PCDHGA7: variants seen among roughly 807,000 people sequenced by gnomAD.
PCDHGA7 encodes the protein protocadherin gamma-A7.
In PCDHGA7, 44 loss-of-function variants were observed where a neutral mutation model predicts 58.3. That is an observed-to-expected ratio of 0.75 (90% CI 0.59 to 0.97). The LOEUF is 0.97. Among genes scored for constraint, PCDHGA7 ranks in the 50% least tolerant of loss-of-function variants. The pLI, the probability that PCDHGA7 is intolerant of heterozygous loss-of-function variation, is 0.00. For synonymous variants in PCDHGA7, 516 were observed against 504.2 expected, an observed-to-expected ratio of 1.02 and a Z score of -0.31; for missense variants, 1,266 against 1,188.7, an observed-to-expected ratio of 1.06 and a Z score of -0.96.
intron 1 of PCDHGA7, chr5:141,427,995 G>T (rs1292989797): frequency 6.3e-7 from 1 of 1,599,590 alleles, no homozygotes; most frequent in Non-Finnish European, 8.6e-7. Flanking sequence ...CGATGGCTCC[G>T]CACTCTTCGA....
At chr5:141,390,612 T>C (rs2092191763) in intron 1 of PCDHGA7, 1 of 296,168 alleles carries the variant, frequency 3.4e-6, no homozygotes, top group Non-Finnish European at 6.3e-6. Context: ...ATTTTCCTTC[T>C]TGTTGACTAA....
At chr5:141,389,719 C>A (rs371194042) in intron 1 of PCDHGA7, 62 of 1,612,570 alleles carry the variant, frequency 3.8e-5, no homozygotes, top group South Asian at 1.1e-5. Flanking sequence ...GCTAGCGAGC[C>A]CGGGCTCTTC....
chr5:141,457,877 C>A (rs1488774514), intron 1 of PCDHGA7, among the ~76,000 whole-genome samples: 1 of 152,196 alleles, frequency 6.6e-6, no homozygotes, highest in Admixed American at 6.6e-5. Context: ...AGGTTAGGAA[C>A]CCTGTGTGGG....
chr5:141,509,199 GTCTC>G (rs1017134758), intron 3 of PCDHGA7, among the ~76,000 whole-genome samples: 4 of 152,070 alleles, frequency 2.6e-5, no homozygotes, highest in Admixed American at 2.0e-4. Context: ...AATATTTCCT[GTCTC>G]TCTATTTCTC....
intron 1 of PCDHGA7, chr5:141,417,666 G>C (rs1487166683): frequency 3.1e-5 from 28 of 917,486 alleles, no homozygotes; most frequent in Non-Finnish European, 4.2e-5. Context: ...GGGATTCCCT[G>C]CGCAGCCAAC....
rs533568792 is a variant in PCDHGA7 at position 141,393,506 on chromosome 5, A to G, written c.2424+8183A>G. The G allele has an allele frequency of 7.4e-6, 12 of 1,614,032 alleles. No individual in the cohort carries two copies. The East Asian group carries it at 2.5e-4, about 33-fold the overall frequency. ...CTAGCACAGTGCGCATCCACGTGAC[A>G]GTGTTGGATACAAATGACAATGCCC... On this transcript the variant is annotated intron_variant, in intron 1 of 3. Transcript: ENST00000518325.
At position 141,400,743 on chromosome 5, in the gene PCDHGA7, C is replaced by T. The variant is rs1404866842; in HGVS notation, c.2424+15420C>T. 6.5e-6 allele frequency: 4 copies of T among 611,214 alleles called. No individual in the cohort carries two copies. In the East Asian group the frequency reaches 1.1e-4, roughly 17 times the overall value. 37.9% of individuals were successfully genotyped at this position (611,214 alleles called of 1,614,324 possible). A position where few individuals can be genotyped will look rare whatever the true frequency, so the allele number is the denominator to read the frequency against. On this transcript the variant is annotated intron_variant, in intron 1 of 3. Coordinates refer to ENST00000518325, the MANE Select transcript of PCDHGA7 (RefSeq NM_018920.4). ...ATTTACAAAGTAGTGAGAGTTTGCTCTTAGCTTCCTCTCTAGCAAAAACAT... is the reference window on the plus strand; with the variant it reads ...ATTTACAAAGTAGTGAGAGTTTGCTTTTAGCTTCCTCTCTAGCAAAAACAT...
At position 141,477,053 on chromosome 5, in the gene PCDHGA7, G is replaced by C; in HGVS notation, c.2425-17754G>C. ...GACAATCAAGGGTCGGCTGGACTTC[G>C]AGGACACCAAACTCCATGAGATTTA... On this transcript the variant is annotated intron_variant, in intron 1 of 3. Coordinates refer to ENST00000518325, the MANE Select transcript of PCDHGA7 (RefSeq NM_018920.4). This position sits in a 1 kb window ranked among gnomAD's most constrained non-coding sequence, Gnocchi z 4.9. The C allele has an allele frequency of 6.2e-7, 1 of 1,614,230 alleles. No homozygotes were observed. Among genetic ancestry groups the C allele is most frequent in the Non-Finnish European group, 8.5e-7 (1 of 1,180,032 alleles).
Position 141,491,415 on chromosome 5 carries a change from G to GGGT in PCDHGA7, c.2425-3389_2425-3387dup. 1 of 1,614,126 alleles carries GGGT rather than the reference G, an allele frequency of 6.2e-7. No individual in the cohort carries two copies. Among genetic ancestry groups the GGGT allele is most frequent in the Non-Finnish European group, 8.5e-7 (1 of 1,180,034 alleles). ...TTCAGGGAAACGCAGACGGGGACGG[G>GGGT]GGTGGAGGGCAGTGCTGCAGGCGCC... On this transcript the variant is annotated intron_variant, in intron 1 of 3. Transcript: ENST00000518325. The surrounding 1 kb of genome is among the most constrained non-coding windows in gnomAD (Gnocchi z 6.9).
rs2099619316 is a variant in PCDHGA7, at chr5:141,485,794, C to A, written c.2425-9013C>A. The A allele has an allele frequency of 6.2e-7, 1 of 1,614,120 alleles. No homozygotes were observed. The highest frequency in any genetic ancestry group is 1.1e-5 in the South Asian group (1 of 91,092). On this transcript the variant is annotated intron_variant, in intron 1 of 3. Transcript: ENST00000518325. This position sits in a 1 kb window ranked among gnomAD's most constrained non-coding sequence, Gnocchi z 5.7. ...CTTTGGATCGAGAGAAGCAATCGGA[C>A]TACCGCCTGGTGCTGACTGCTGTCG...
chr5:141,388,511 C>G, intron 1 of PCDHGA7: 1 of 1,613,868 alleles, frequency 6.2e-7, no homozygotes, highest in Non-Finnish European at 8.5e-7. Context: ...AATCCTACCA[C>G]TTGACTTTGA....
chr5:141,471,003 C>A (rs2099246040), intron 1 of PCDHGA7, among the ~76,000 whole-genome samples: 1 of 151,658 alleles, frequency 6.6e-6, no homozygotes, highest in East Asian at 1.9e-4. Flanking sequence ...AGGCATGAGC[C>A]ACTGTGCCTG....
rs187488785 is a variant in PCDHGA7 at position 141,461,744 on chromosome 5, C to T, written c.2425-33063C>T. 5.9e-5 allele frequency among the ~76,000 whole-genome samples: 9 copies of T among 152,302 alleles called. No individual in the cohort carries two copies. The East Asian group carries it at 1.7e-3, about 29-fold the overall frequency. On this transcript the variant is annotated intron_variant, in intron 1 of 3. Transcript: ENST00000518325. ...GGAGTGCAGTGGCACAATCCCGGCT[C>T]CCAGATTCAAGCGATTCTCCTGCCT...
At chr5:141,407,980 C>G in intron 1 of PCDHGA7, 1 of 760,358 alleles carries the variant, frequency 1.3e-6, no homozygotes, top group Non-Finnish European at 2.0e-6. Flanking sequence ...CGCCGGGGAT[C>G]CGTCAGCCTC....
At position 141,427,779 on chromosome 5, in the gene PCDHGA7, C is replaced by T. The variant is rs1196661076; in HGVS notation, c.2424+42456C>T. On this transcript the variant is annotated intron_variant, in intron 1 of 3. Transcript: ENST00000518325. Reference sequence around the variant, plus strand: ...TACCACTGACTTGGAGCTGCGGGCACTGTCGTCCTACGTGTCCGTGAGCGC... The same window carrying T: ...TACCACTGACTTGGAGCTGCGGGCATTGTCGTCCTACGTGTCCGTGAGCGC... 2.1e-6 allele frequency: 3 copies of T among 1,454,498 alleles called. No individual in the cohort carries two copies. The East Asian group carries it at 6.8e-5, about 33-fold the overall frequency. The allele number at this position is 1,454,498 out of a possible 1,614,324, so 90.1% of individuals were successfully genotyped here. A position where few individuals can be genotyped will look rare whatever the true frequency, so the allele number is the denominator to read the frequency against.
In PCDHGA7 at chr5:141,505,470, C is replaced by G; in HGVS notation, c.2561C>G (p.Ala854Gly). 6.2e-7 allele frequency: 1 copy of G among 1,614,186 alleles called. No individual in the cohort carries two copies. Among genetic ancestry groups the G allele is most frequent in the Non-Finnish European group, 8.5e-7 (1 of 1,180,002 alleles). Residue 854 changes from alanine to glycine, a missense_variant, in exon 3 of 4, where the codon GCG (alanine) becomes GGG (glycine). Ala to Gly is a moderately conservative substitution (Grantham distance 60). Transcript: ENST00000518325. ...GAGATGCTGCAAGCCATGATCTTGG[C>G]GTCCGCCAGTGGTAAGTGGTGTCAG... The part of the protein sequence containing the change: ...DTEMLQAMIL[A>G]SASEAADGSS...
rs747671382 is a variant in PCDHGA7 at position 141,444,152 on chromosome 5, A to ATTTTTTTT, written c.2425-50626_2425-50619dup. ...GATATGTGTCACTTGTGTGTACTGG[A>ATTTTTTTT]TTTTTTTTTTTTTTTTTTTTTTTTT... On this transcript the variant is annotated intron_variant, in intron 1 of 3. Transcript: ENST00000518325. Among the ~76,000 whole-genome samples, 8 of 33,898 alleles carry ATTTTTTTT rather than the reference A, an allele frequency of 2.4e-4. 3 individuals are homozygous for ATTTTTTTT. Among genetic ancestry groups the ATTTTTTTT allele is most frequent in the African/African-American group, 5.6e-4 (4 of 7,184 alleles). The allele number at this position is 33,898 out of a possible 152,430, so 22.2% of individuals were successfully genotyped here.
intron 1 of PCDHGA7, among the ~76,000 whole-genome samples, chr5:141,481,700 T>C (rs1283509788): frequency 2.0e-5 from 3 of 152,034 alleles, no homozygotes; most frequent in Non-Finnish European, 4.4e-5. Context: ...ACGCCTGTAA[T>C]CCCAGCACTT....
At chr5:141,393,976 A>G in intron 1 of PCDHGA7, 1 of 1,613,856 alleles carries the variant, frequency 6.2e-7, no homozygotes, top group Non-Finnish European at 8.5e-7. Flanking sequence ...TACACACGTG[A>G]TAATTTACCT....
Sources: gnomAD v4.1 joint callset for allele counts (sites outside exome capture counted in the v4.1 genomes callset) on GRCh38, gnomAD v4.1.1 for gene constraint, Gnocchi (gnomAD v3.1) non-coding constraint, MANE v1.5 for transcripts, NCBI Gene and HGNC (gene_info 2026-07-23, HGNC 2026-07-21) for gene names.